AUTS2: variants seen among roughly 807,000 people sequenced by gnomAD.
AUTS2 encodes the protein autism susceptibility gene 2 protein.
A neutral mutation model predicts 112.4 loss-of-function variants in AUTS2; 17 were observed. That is an observed-to-expected ratio of 0.15 (90% CI 0.10 to 0.23). The LOEUF (loss-of-function observed/expected upper bound fraction) is 0.23, where lower values mean the gene tolerates loss of function less well. AUTS2 is among the 10% of genes least tolerant of loss of function. The probability of loss-of-function intolerance (pLI) is 1.00; values close to 1 mark genes in which losing one functional copy is unlikely to be tolerated. For synonymous variants in AUTS2, 751 were observed against 702.7 expected, an observed-to-expected ratio of 1.07 and a Z score of -1.09; for missense variants, 1,510 against 1,701.6, an observed-to-expected ratio of 0.89 and a Z score of 1.98.
chr7:70,056,729 T>C (rs558549362), intron 2 of AUTS2, among the ~76,000 whole-genome samples: 2 of 152,306 alleles, frequency 1.3e-5, no homozygotes, highest in Non-Finnish European at 2.9e-5. Context: ...GATTGGCAAC[T>C]GTGTGAGGTG....
chr7:70,705,143 A>G (rs113500821), intron 6 of AUTS2, among the ~76,000 whole-genome samples: 4,120 of 152,296 alleles, frequency 0.027, 63 homozygotes, highest in African/African-American at 0.043. Context: ...ATAAAACTCT[A>G]TTGTTTTGCG....
At chr7:70,253,616 A>T (rs990148029) in intron 4 of AUTS2, among the ~76,000 whole-genome samples, 2 of 152,270 alleles carry the variant, frequency 1.3e-5, no homozygotes, top group Non-Finnish European at 2.9e-5. Context: ...TGATTATTTC[A>T]TGCCTCTAGT....
chr7:69,710,033 C>A (rs973253186), intron 1 of AUTS2, among the ~76,000 whole-genome samples: 1 of 152,176 alleles, frequency 6.6e-6, no homozygotes, highest in African/African-American at 2.4e-5. Flanking sequence ...TCTGACTTTA[C>A]TACTTGGGAG....
chr7:70,004,324 AAT>A (rs1203810626), intron 2 of AUTS2, among the ~76,000 whole-genome samples: 51 of 125,216 alleles, frequency 4.1e-4, no homozygotes, highest in East Asian at 8.5e-4. Flanking sequence ...TTATATATAT[AAT>A]ATATATATGA....
intron 1 of AUTS2, among the ~76,000 whole-genome samples, chr7:69,689,082 A>C (rs947336191): frequency 6.6e-6 from 1 of 152,106 alleles, no homozygotes; most frequent in Non-Finnish European, 1.5e-5. Context: ...TGTGTAATGA[A>C]AAGGGCATTG....
intron 4 of AUTS2, among the ~76,000 whole-genome samples, chr7:70,301,937 G>GC (rs1562863883): frequency 1.4e-5 from 2 of 146,784 alleles, no homozygotes; most frequent in Non-Finnish European, 3.0e-5. Flanking sequence ...GTTTTTTGTG[G>GC]TTTTTTTTTT....
intron 6 of AUTS2, among the ~76,000 whole-genome samples, chr7:70,754,261 C>T (rs932525252): frequency 1.3e-5 from 2 of 152,118 alleles, no homozygotes; most frequent in Non-Finnish European, 2.9e-5. Context: ...GAGGCCTAGG[C>T]GGGAGGATTG....
At chr7:70,128,640 AGCACAGTG>A (rs1806105281) in intron 3 of AUTS2, among the ~76,000 whole-genome samples, 1 of 152,218 alleles carries the variant, frequency 6.6e-6, no homozygotes, top group African/African-American at 2.4e-5. Context: ...AGAGTGAAGT[AGCACAGTG>A]GCTGAACACG....
intron 1 of AUTS2, among the ~76,000 whole-genome samples, chr7:69,658,826 T>G (rs1420573876): frequency 1.3e-5 from 2 of 152,316 alleles, no homozygotes; most frequent in South Asian, 4.1e-4. Flanking sequence ...ATATGTGGTT[T>G]AAAAAGTAAA....
At chr7:70,684,686 A>G (rs1808382808) in intron 5 of AUTS2, among the ~76,000 whole-genome samples, 1 of 151,620 alleles carries the variant, frequency 6.6e-6, no homozygotes, top group Admixed American at 6.6e-5. Flanking sequence ...GTGTTGTGGT[A>G]TGGTGGGGAT....
chr7:70,704,237 C>T (rs551291818), intron 6 of AUTS2, among the ~76,000 whole-genome samples: 2 of 152,304 alleles, frequency 1.3e-5, no homozygotes. Flanking sequence ...TACTGGATCC[C>T]ATCACTGGAA....
At chr7:70,521,802 G>A (rs368801177) in intron 5 of AUTS2, among the ~76,000 whole-genome samples, 7 of 152,184 alleles carry the variant, frequency 4.6e-5, no homozygotes, top group Admixed American at 1.3e-4. Flanking sequence ...CCCTCCAAAC[G>A]GCCCATTTCA....
At chr7:69,915,884 A>G (rs573946042) in intron 2 of AUTS2, among the ~76,000 whole-genome samples, 15 of 152,098 alleles carry the variant, frequency 9.9e-5, no homozygotes, top group African/African-American at 3.6e-4. Flanking sequence ...ACACCACCAC[A>G]CCTAGCTAAT....
intron 1 of AUTS2, among the ~76,000 whole-genome samples, chr7:69,604,378 G>A (rs1007609263): frequency 5.3e-5 from 8 of 152,238 alleles, no homozygotes; most frequent in African/African-American, 1.9e-4. Flanking sequence ...AAGGCACTAA[G>A]AATATAGAGA....
chr7:70,006,324 AG>A (rs1416539120), intron 2 of AUTS2, among the ~76,000 whole-genome samples: 1 of 152,082 alleles, frequency 6.6e-6, no homozygotes, highest in Non-Finnish European at 1.5e-5. Flanking sequence ...AGAAACGAGG[AG>A]GGGGGAGAAG....
chr7:70,446,438 C>A (rs950386246), intron 5 of AUTS2, among the ~76,000 whole-genome samples: 1 of 152,200 alleles, frequency 6.6e-6, no homozygotes, highest in African/African-American at 2.4e-5. Context: ...GGATCACCCC[C>A]TTCCCTTTTT....
intron 5 of AUTS2, among the ~76,000 whole-genome samples, chr7:70,496,328 ACG>A (rs1304762394): frequency 1.0e-3 from 52 of 50,920 alleles, no homozygotes; most frequent in African/African-American, 2.0e-3. Flanking sequence ...AGTCACACAC[ACG>A]CACACCCCAC....
At chr7:69,860,585 A>G (rs1447073364) in intron 1 of AUTS2, among the ~76,000 whole-genome samples, 1 of 152,034 alleles carries the variant, frequency 6.6e-6, no homozygotes, top group East Asian at 1.9e-4. Flanking sequence ...TCCGTCTGTC[A>G]CTGGCCCAGT....
chr7:69,676,940 A>G (rs973194672), intron 1 of AUTS2, among the ~76,000 whole-genome samples: 2 of 152,124 alleles, frequency 1.3e-5, no homozygotes, highest in Non-Finnish European at 2.9e-5. Flanking sequence ...ATGCTTTTCA[A>G]GAACACACAG....
Sources: allele counts gnomAD v4.1 joint callset (sites outside exome capture counted in the v4.1 genomes callset), GRCh38; gene constraint gnomAD v4.1.1; transcripts MANE v1.5; gene names NCBI Gene and HGNC (gene_info 2026-07-23, HGNC 2026-07-21).